Variants in EAPP observed in about 807,000 individuals in gnomAD.
EAPP encodes the protein E2F associated phosphoprotein, also known as E2F-associated phosphoprotein.
Under a neutral mutation model 34.3 loss-of-function variants are expected in EAPP, and 38 were observed. The observed-to-expected ratio is 1.11, with a 90% CI of 0.85 to 1.45. The LOEUF (loss-of-function observed/expected upper bound fraction) is 1.45, where lower values mean the gene tolerates loss of function less well. EAPP is among the 40% of genes most tolerant of loss of function. The pLI is 0.00. For missense variants in EAPP, 338 were observed against 343.7 expected (o/e 0.98, Z 0.13); for synonymous variants, 113 against 117.6 (o/e 0.96, Z 0.25).
At chr14:34,520,811 T>G (rs1879893380) in intron 5 of EAPP, among the ~76,000 whole-genome samples, 1 of 151,996 alleles carries the variant, frequency 6.6e-6, no homozygotes, top group South Asian at 2.1e-4. Flanking sequence ...CTGGCATTTT[T>G]TTTTTTCATT....
intron 3 of EAPP, among the ~76,000 whole-genome samples, chr14:34,530,404 G>C (rs1475995434): frequency 6.6e-6 from 1 of 152,132 alleles, no homozygotes; most frequent in Non-Finnish European, 1.5e-5. Flanking sequence ...AGGCACACCT[G>C]TAGTCCTAGC....
At chr14:34,532,394 G>C (rs2138901837) in intron 3 of EAPP, among the ~76,000 whole-genome samples, 2 of 151,888 alleles carry the variant, frequency 1.3e-5, no homozygotes, top group South Asian at 4.1e-4. Context: ...GGGAGGCACA[G>C]GTTGCAGTGA....
At chr14:34,529,827 C>A (rs1442430142) in intron 3 of EAPP, among the ~76,000 whole-genome samples, 3 of 151,924 alleles carry the variant, frequency 2.0e-5, no homozygotes, top group South Asian at 2.1e-4. Context: ...ACCAGCCTGG[C>A]CAACATGGTG....
intron 5 of EAPP, 150 bp downstream of exon 5, chr14:34,524,547 C>T (rs1019392842): frequency 2.3e-5 from 14 of 613,662 alleles, no homozygotes; most frequent in African/African-American, 3.7e-5. Context: ...ACCCACGGGG[C>T]GGAGGTTGCA....
chr14:34,515,965 C>A lies in EAPP; in HGVS notation c.*345G>T. 4.9e-6 allele frequency: 1 copy of A among 203,574 alleles called. No homozygotes were observed. Among genetic ancestry groups the A allele is most frequent in the Non-Finnish European group, 9.9e-6 (1 of 100,868 alleles). The allele number at this position is 203,574 out of a possible 1,614,324, so 12.6% of individuals were successfully genotyped here. On this transcript the variant is annotated 3_prime_UTR_variant, in exon 6 of 6. Transcript: ENST00000250454. The stretch of plus-strand genomic sequence containing the variant: ...CAGGAAAGAGTTTCCAGTTTAATTA[C>A]ATCAAAGCTATATCCAAAATAAAAA...
Position 34,533,460 on chromosome 14 carries a change from C to G in EAPP, c.336G>C (p.Glu112Asp), listed in dbSNP as rs753892925. Residue 112 changes from glutamate to aspartate, a missense_variant, in exon 3 of 6, where the codon GAG (glutamate) becomes GAC (aspartate). Glu to Asp is a conservative substitution (Grantham distance 45). Coordinates refer to ENST00000250454, the MANE Select transcript of EAPP (RefSeq NM_018453.4). ...GTTACTTACCTGCTCTGTCTTCATC[C>G]TCGGAATCAGAATCAAAATATATAT... The part of the protein sequence containing the change: ...YDDIYFDSDS[E>D]DEDRAVQVTK... 1.7e-5 allele frequency: 28 copies of G among 1,611,620 alleles called. No homozygotes were observed. The highest frequency in any genetic ancestry group is 2.4e-5 in the Non-Finnish European group (28 of 1,179,080).
rs1180351500 is a variant in EAPP at position 34,533,555 on chromosome 14, G to T, written c.257-16C>A. 3 of 1,538,776 alleles carry T rather than the reference G, an allele frequency of 1.9e-6. No individual in the cohort carries two copies. The highest frequency in any genetic ancestry group is 2.3e-5 in the East Asian group (1 of 42,860). On this transcript the variant is annotated splice_polypyrimidine_tract_variant and intron_variant, in intron 2 of 5. Transcript: ENST00000250454. ...GAGGAAGATCCTATTCAAACCAGAAGTAAAGTTTACAGACTAAATCATACA... is the reference window on the plus strand; with the variant it reads ...GAGGAAGATCCTATTCAAACCAGAATTAAAGTTTACAGACTAAATCATACA...
At chr14:34,530,026 G>GAA (rs60938160) in intron 3 of EAPP, among the ~76,000 whole-genome samples, 2 of 150,944 alleles carry the variant, frequency 1.3e-5, no homozygotes, top group East Asian at 3.9e-4. Context: ...CAAAGAAAAA[G>GAA]AAAATAATAA....
chr14:34,530,714 T>C (rs889163685), intron 3 of EAPP, among the ~76,000 whole-genome samples: 3 of 151,632 alleles, frequency 2.0e-5, no homozygotes, highest in African/African-American at 7.3e-5. Context: ...ATAGAAATTA[T>C]TTATGATGTA....
intron 1 of EAPP, among the ~76,000 whole-genome samples, chr14:34,538,428 C>T (rs773902535): frequency 1.2e-4 from 19 of 152,190 alleles, no homozygotes; most frequent in Non-Finnish European, 2.5e-4. Flanking sequence ...TATATACATA[C>T]CTCCTTTCAC....
Position 34,536,289 on chromosome 14 carries a change from A to C in EAPP, c.75-14T>G. 1 of 1,567,084 alleles carries C rather than the reference A, an allele frequency of 6.4e-7. No individual in the cohort carries two copies. The highest frequency in any genetic ancestry group is 8.6e-7 in the Non-Finnish European group (1 of 1,161,752). On this transcript the variant is annotated splice_polypyrimidine_tract_variant and intron_variant, in intron 1 of 5. Transcript: ENST00000250454. Reference sequence around the variant, plus strand: ...TCATCCTCAGAGCTAGCATACATTTAAATCAAAAAGAATATGAATATTTAA... The same window carrying C: ...TCATCCTCAGAGCTAGCATACATTTCAATCAAAAAGAATATGAATATTTAA...
intron 3 of EAPP, among the ~76,000 whole-genome samples, chr14:34,532,008 A>G (rs1880310034): frequency 2.0e-5 from 3 of 151,318 alleles, no homozygotes; most frequent in South Asian, 4.2e-4. Context: ...CCCAGGAGGC[A>G]GAGCTTGCAG....
chr14:34,538,303 C>A (rs183375020), intron 1 of EAPP, among the ~76,000 whole-genome samples: 43 of 152,262 alleles, frequency 2.8e-4, no homozygotes, highest in Admixed American at 1.6e-3. Context: ...TGCTGGAACC[C>A]AGGAGGTGGA....
At chr14:34,538,746 G>A (rs1880558974) in intron 1 of EAPP, among the ~76,000 whole-genome samples, 1 of 152,210 alleles carries the variant, frequency 6.6e-6, no homozygotes, top group African/African-American at 2.4e-5. Context: ...TGGCTTTACA[G>A]AAAGCTTCTT....
rs756151933 is a variant in EAPP at position 34,529,478 on chromosome 14, A to G, written c.353-3T>C. On this transcript the variant is annotated splice_polypyrimidine_tract_variant and splice_region_variant and intron_variant, in intron 3 of 5. Transcript: ENST00000250454. ...CTTTTTTTTCTTGGTCACCTGTACTAATTTTGAAAATATTAGGATATGGCT... is the reference window on the plus strand; with the variant it reads ...CTTTTTTTTCTTGGTCACCTGTACTGATTTTGAAAATATTAGGATATGGCT... 1 of 1,586,632 alleles carries G rather than the reference A, an allele frequency of 6.3e-7. No homozygotes were observed. The highest frequency in any genetic ancestry group is 8.6e-7 in the Non-Finnish European group (1 of 1,159,330).
intron 5 of EAPP, 56 bp from the exon 6 acceptor site, chr14:34,516,642 C>A: frequency 6.6e-7 from 1 of 1,508,444 alleles, no homozygotes; most frequent in South Asian, 1.3e-5. Context: ...AATAGTTTAT[C>A]CATTTAGATA....
intron 4 of EAPP, among the ~76,000 whole-genome samples, chr14:34,525,329 A>G (rs970817324): frequency 6.6e-6 from 1 of 152,206 alleles, no homozygotes; most frequent in Non-Finnish European, 1.5e-5. Context: ...CTAACTTTAC[A>G]GTAGAGAAAG....
chr14:34,533,227 G>A (rs1880353646), intron 3 of EAPP, among the ~76,000 whole-genome samples: 1 of 151,914 alleles, frequency 6.6e-6, no homozygotes, highest in South Asian at 2.1e-4. Context: ...TACAGATGGG[G>A]TTTCACCAAG....
chr14:34,524,780 T>C lies in EAPP; in HGVS notation c.498A>G (p.Ser166=). 6.2e-7 allele frequency: 1 copy of C among 1,613,422 alleles called. No homozygotes were observed. Among genetic ancestry groups the C allele is most frequent in the Non-Finnish European group, 8.5e-7 (1 of 1,179,808 alleles). The change falls in exon 5 of 6, where the codon TCA becomes TCG. Residue 166 remains serine, a synonymous_variant. Transcript: ENST00000250454. ...TATTTGGAACAGGCTGTTGTTGACG[T>C]GATCTCTGTGGTCCCAAACCATGGT... ...RGYHGLGPQR[S]RQQQPVPNSD... is the part of the protein sequence containing the mutation.
Sources: allele counts gnomAD v4.1 joint callset (sites outside exome capture counted in the v4.1 genomes callset), GRCh38; gene constraint gnomAD v4.1.1; transcripts MANE v1.5; gene names NCBI Gene and HGNC (gene_info 2026-07-23, HGNC 2026-07-21).